Variants in CDH18 observed in about 807,000 individuals in gnomAD.
CDH18 encodes the protein cadherin 18, also known as cadherin-18.
A neutral mutation model predicts 67.9 loss-of-function variants in CDH18; 31 were observed. The observed-to-expected ratio is 0.46, with a 90% CI of 0.34 to 0.62. The LOEUF (loss-of-function observed/expected upper bound fraction) is 0.62, where lower values mean the gene tolerates loss of function less well. Among genes scored for constraint, CDH18 ranks in the 20% least tolerant of loss-of-function variants. The pLI is 0.01. For missense variants in CDH18, 890 were observed against 975.5 expected, an observed-to-expected ratio of 0.91 and a Z score of 1.17; for synonymous variants, 362 against 347.2, an observed-to-expected ratio of 1.04 and a Z score of -0.48.
intron 2 of CDH18, among the ~76,000 whole-genome samples, chr5:20,212,447 C>T (rs1456378502): frequency 3.9e-5 from 6 of 152,038 alleles, no homozygotes; most frequent in Admixed American, 1.3e-4. Context: ...AGATACTCCT[C>T]GAGAAGAGCA....
At chr5:20,356,321 C>T (rs1269325792) in intron 1 of CDH18, among the ~76,000 whole-genome samples, 5 of 151,982 alleles carry the variant, frequency 3.3e-5, no homozygotes, top group African/African-American at 2.4e-5. Context: ...AGACGGAGGT[C>T]GCAGTGAGCT....
At chr5:20,179,925 A>C (rs1737550907) in intron 2 of CDH18, among the ~76,000 whole-genome samples, 1 of 152,058 alleles carries the variant, frequency 6.6e-6, no homozygotes, top group Non-Finnish European at 1.5e-5. Context: ...TGGAGGGAAA[A>C]GTCACTAGAA....
chr5:20,081,750 A>C (rs1323323376), intron 2 of CDH18, among the ~76,000 whole-genome samples: 1 of 152,268 alleles, frequency 6.6e-6, no homozygotes, highest in African/African-American at 2.4e-5. Context: ...CATTGAGTAC[A>C]TATGGACACA....
At chr5:20,123,494 A>T (rs1748546085) in intron 2 of CDH18, among the ~76,000 whole-genome samples, 1 of 151,850 alleles carries the variant, frequency 6.6e-6, no homozygotes, top group African/African-American at 2.4e-5. Context: ...CAGGCTGATA[A>T]CTCCCCCACA....
chr5:20,440,580 A>T (rs1286182798), intron 1 of CDH18, among the ~76,000 whole-genome samples: 2 of 152,022 alleles, frequency 1.3e-5, no homozygotes, highest in African/African-American at 4.8e-5. Flanking sequence ...TAGCAGAACT[A>T]ATGTAAGAAT....
At chr5:19,610,404 C>A (rs989466045) in intron 6 of CDH18, among the ~76,000 whole-genome samples, 1 of 151,904 alleles carries the variant, frequency 6.6e-6, no homozygotes, top group Non-Finnish European at 1.5e-5. Flanking sequence ...GAATAATATT[C>A]CTTATATCCA....
chr5:20,234,215 C>A (rs1742303844), intron 2 of CDH18, among the ~76,000 whole-genome samples: 1 of 152,092 alleles, frequency 6.6e-6, no homozygotes, highest in South Asian at 2.1e-4. Context: ...GCAGGATCAT[C>A]CAAGCAACCC....
chr5:20,486,284 T>C (rs1037015495), intron 1 of CDH18, among the ~76,000 whole-genome samples: 22 of 152,186 alleles, frequency 1.4e-4, no homozygotes, highest in South Asian at 2.1e-4. Flanking sequence ...ACATGGTATA[T>C]TGCAATATGT....
At chr5:19,700,235 G>C (rs144329440) in intron 5 of CDH18, among the ~76,000 whole-genome samples, 1 of 152,240 alleles carries the variant, frequency 6.6e-6, no homozygotes, top group African/African-American at 2.4e-5. Context: ...GAGTATCTGT[G>C]CTGTATTCAC....
chr5:19,818,072 C>T (rs1359974271), intron 3 of CDH18, among the ~76,000 whole-genome samples: 1 of 152,000 alleles, frequency 6.6e-6, no homozygotes, highest in Non-Finnish European at 1.5e-5. Context: ...CAAAAACAGA[C>T]AGTGGGCTAG....
intron 1 of CDH18, among the ~76,000 whole-genome samples, chr5:19,986,568 C>T (rs903603725): frequency 6.6e-6 from 1 of 152,148 alleles, no homozygotes; most frequent in African/African-American, 2.4e-5. Context: ...AAATACTCAC[C>T]AAGGTGCACT....
At chr5:20,558,019 TAAA>T (rs1758008254) in intron 1 of CDH18, among the ~76,000 whole-genome samples, 2 of 142,776 alleles carry the variant, frequency 1.4e-5, no homozygotes, top group Non-Finnish European at 3.0e-5. Flanking sequence ...TATATAACAT[TAAA>T]TGTTATAGTT....
At chr5:20,471,979 TAA>T (rs1561038246) in intron 1 of CDH18, among the ~76,000 whole-genome samples, 4 of 2,232 alleles carry the variant, frequency 1.8e-3, no homozygotes, top group East Asian at 0.018. Flanking sequence ...TGCTCCAAAA[TAA>T]ATTCACTGAA....
At chr5:20,100,787 C>T (rs971282794) in intron 2 of CDH18, among the ~76,000 whole-genome samples, 2 of 151,972 alleles carry the variant, frequency 1.3e-5, no homozygotes, top group African/African-American at 2.4e-5. Context: ...AGAGAATATC[C>T]CCACTACACC....
rs1736251711 is a variant in CDH18, at chr5:20,166,004, G to A, written c.-518+89440C>T. Among the ~76,000 whole-genome samples the A allele has an allele frequency of 3.9e-5, 6 of 152,070 alleles. No individual in the cohort carries two copies. In the South Asian group the frequency reaches 1.2e-3, roughly 32 times the overall value. The stretch of plus-strand genomic sequence containing the variant: ...AAGCCACATCCATTCCATTTTTACA[G>A]TTTCCCCTGTCATTCTGATTCTCAC... On this transcript the variant is annotated intron_variant, in intron 2 of 14. Transcript: ENST00000507958.
chr5:20,216,172 A>T (rs1021514782), intron 2 of CDH18, among the ~76,000 whole-genome samples: 12 of 151,934 alleles, frequency 7.9e-5, no homozygotes, highest in Non-Finnish European at 1.3e-4. Context: ...AAGATAAATG[A>T]TCAAAGATCA....
At chr5:19,875,755 A>T (rs922150184) in intron 2 of CDH18, among the ~76,000 whole-genome samples, 136 of 152,088 alleles carry the variant, frequency 8.9e-4, no homozygotes, top group African/African-American at 3.1e-3. Context: ...TTTATTCATA[A>T]TTACATTTCA....
intron 11 of CDH18, 128 bp downstream of exon 11, chr5:19,502,864 C>T: frequency 1.4e-6 from 1 of 731,524 alleles, no homozygotes; most frequent in Non-Finnish European, 2.5e-6. Context: ...GATCATAACA[C>T]AGTAGCATCA....
chr5:19,815,716 C>A (rs1467400431), intron 3 of CDH18, among the ~76,000 whole-genome samples: 4 of 152,014 alleles, frequency 2.6e-5, no homozygotes, highest in East Asian at 1.9e-4. Context: ...ACCTCCGTAA[C>A]TAATCCTATG....
Sources: gnomAD v4.1 joint callset for allele counts (sites outside exome capture counted in the v4.1 genomes callset) on GRCh38, gnomAD v4.1.1 for gene constraint, MANE v1.5 for transcripts, NCBI Gene and HGNC (gene_info 2026-07-23, HGNC 2026-07-21) for gene names.